ADAM22: variants seen among roughly 807,000 people sequenced by gnomAD.
The protein encoded by ADAM22 is disintegrin and metalloproteinase domain-containing protein 22.
In ADAM22, 65 loss-of-function variants were observed where a neutral mutation model predicts 144.6. That is an observed-to-expected ratio of 0.45 (90% CI 0.37 to 0.55). The LOEUF (loss-of-function observed/expected upper bound fraction) is 0.55, where lower values mean the gene tolerates loss of function less well. Among genes scored for constraint, ADAM22 ranks in the 20% least tolerant of loss-of-function variants. The pLI, the probability that ADAM22 is intolerant of heterozygous loss-of-function variation, is 0.00. For missense variants in ADAM22, 974 were observed against 1,184.9 expected (o/e 0.82, Z 2.61); for synonymous variants, 391 against 412.6 (o/e 0.95, Z 0.63).
chr7:88,012,292 T>C (rs1795621670), intron 3 of ADAM22, among the ~76,000 whole-genome samples: 1 of 152,190 alleles, frequency 6.6e-6, no homozygotes, highest in African/African-American at 2.4e-5. Context: ...AACCTAGTAA[T>C]CATAAATTCC....
At chr7:88,052,117 G>A (rs527418974) in intron 3 of ADAM22, among the ~76,000 whole-genome samples, 5 of 152,102 alleles carry the variant, frequency 3.3e-5, no homozygotes, top group African/African-American at 1.2e-4. Flanking sequence ...CACTTGGGGT[G>A]TCCCTGCTAT....
chr7:87,934,660 A>ATT (rs57360340), intron 1 of ADAM22, 110 bp downstream of exon 1: 251 of 704,570 alleles, frequency 3.6e-4, no homozygotes, highest in South Asian at 1.5e-3. Flanking sequence ...GCGCGGGGAG[A>ATT]TTTTTTTTTT....
At chr7:88,148,852 A>G (rs767476915) in intron 17 of ADAM22, 125 bp from the exon 18 acceptor site, 15 of 671,988 alleles carry the variant, frequency 2.2e-5, no homozygotes, top group Non-Finnish European at 3.5e-5. Flanking sequence ...GTTTTGACAG[A>G]TTACCATCTT....
At chr7:88,049,925 G>T (rs1313922473) in intron 3 of ADAM22, among the ~76,000 whole-genome samples, 1 of 151,922 alleles carries the variant, frequency 6.6e-6, no homozygotes, top group Non-Finnish European at 1.5e-5. Flanking sequence ...GCTCTCAGAA[G>T]AATTAGTAAT....
chr7:88,179,543 G>A (rs1414440645), intron 27 of ADAM22, among the ~76,000 whole-genome samples: 1 of 151,952 alleles, frequency 6.6e-6, no homozygotes, highest in Admixed American at 6.6e-5. Context: ...ATATATTTGA[G>A]TATTGTGATT....
rs1586703063 is a variant in ADAM22, at chr7:88,201,271, G to A, written c.*4780G>A. 1 of 152,206 alleles carries A rather than the reference G, an allele frequency of 6.6e-6. No homozygotes were observed. Among genetic ancestry groups the A allele is most frequent in the Non-Finnish European group, 1.5e-5 (1 of 68,048 alleles). 9.4% of individuals were successfully genotyped at this position (152,206 alleles called of 1,614,324 possible). ...GATGCTCTAGGGAGTAGAGGTGGCA[G>A]GCATCTTTATCTTCACCCACTGGCA... On this transcript the variant is annotated 3_prime_UTR_variant, in exon 32 of 32. Transcript: ENST00000413139.
In ADAM22 at chr7:88,128,083, G is replaced by A. The variant is rs534022078; in HGVS notation, c.679-519G>A. 2.9e-3 allele frequency among the ~76,000 whole-genome samples: 435 copies of A among 152,028 alleles called. 2 individuals carry two copies. The highest frequency in any genetic ancestry group is 4.3e-3 in the Non-Finnish European group (289 of 67,928). On this transcript the variant is annotated intron_variant, in intron 8 of 31. Transcript: ENST00000413139. The stretch of plus-strand genomic sequence containing the variant: ...GATGAAGGCACATGACTCACTCCCA[G>A]TTTGGAGATTAAATAATAAAAGTGC...
chr7:87,941,001 C>T (rs1012802301), intron 2 of ADAM22, among the ~76,000 whole-genome samples: 1 of 152,158 alleles, frequency 6.6e-6, no homozygotes, highest in East Asian at 1.9e-4. Context: ...GTCAACTAAG[C>T]GTCACAGATT....
chr7:88,034,127 T>C (rs960533674), intron 3 of ADAM22, among the ~76,000 whole-genome samples: 3 of 152,122 alleles, frequency 2.0e-5, no homozygotes, highest in African/African-American at 7.2e-5. Flanking sequence ...TCCCTCCTTG[T>C]GGCCACCATA....
At chr7:88,124,453 TA>T (rs909310325) in intron 7 of ADAM22, among the ~76,000 whole-genome samples, 5 of 151,892 alleles carry the variant, frequency 3.3e-5, no homozygotes, top group Non-Finnish European at 7.4e-5. Context: ...TTAATGTTTG[TA>T]AGGTGTATCT....
chr7:88,061,835 CTCTCTT>C (rs1273553827), intron 3 of ADAM22, among the ~76,000 whole-genome samples: 2 of 142,680 alleles, frequency 1.4e-5, no homozygotes, highest in African/African-American at 5.3e-5. Context: ...TTCTCTCTCT[CTCTCTT>C]TTTTTTTTTT....
intron 3 of ADAM22, among the ~76,000 whole-genome samples, chr7:88,032,842 C>G (rs1585136946): frequency 6.6e-6 from 1 of 152,162 alleles, no homozygotes; most frequent in African/African-American, 2.4e-5. Flanking sequence ...AACACCACCC[C>G]CTTTGCTCCC....
chr7:87,980,413 G>T (rs907885572), intron 3 of ADAM22, among the ~76,000 whole-genome samples: 1 of 150,646 alleles, frequency 6.6e-6, no homozygotes, highest in Non-Finnish European at 1.5e-5. Context: ...TTTGTTTTTC[G>T]TGGTTTCAGT....
chr7:87,988,421 G>A (rs1220168884), intron 3 of ADAM22, among the ~76,000 whole-genome samples: 3 of 152,120 alleles, frequency 2.0e-5, no homozygotes, highest in Non-Finnish European at 2.9e-5. Context: ...AACCACATGT[G>A]GGTTTCATTC....
At chr7:88,040,368 G>A (rs1209224394) in intron 3 of ADAM22, among the ~76,000 whole-genome samples, 5 of 151,822 alleles carry the variant, frequency 3.3e-5, no homozygotes, top group Non-Finnish European at 7.4e-5. Context: ...CTGACCTTAG[G>A]TGATCCACCC....
chr7:88,084,587 C>T (rs986929559), intron 4 of ADAM22, among the ~76,000 whole-genome samples: 5 of 152,280 alleles, frequency 3.3e-5, no homozygotes, highest in African/African-American at 4.8e-5. Context: ...CCTCCTGTCT[C>T]GACTTCTGTG....
chr7:87,954,233 A>G (rs1050652042), intron 2 of ADAM22, among the ~76,000 whole-genome samples: 1 of 149,826 alleles, frequency 6.7e-6, no homozygotes, highest in African/African-American at 2.5e-5. Context: ...GTTTCTTCCT[A>G]GTCTCGATGG....
At chr7:88,028,381 A>G (rs1410542250) in intron 3 of ADAM22, among the ~76,000 whole-genome samples, 4 of 152,004 alleles carry the variant, frequency 2.6e-5, no homozygotes, top group Non-Finnish European at 5.9e-5. Flanking sequence ...TGTTTTAAAG[A>G]CTTGTTTTGT....
chr7:88,182,903 A>G (rs916720748), intron 29 of ADAM22, among the ~76,000 whole-genome samples: 1 of 152,180 alleles, frequency 6.6e-6, no homozygotes, highest in Non-Finnish European at 1.5e-5. Flanking sequence ...TATTATTTCC[A>G]GGATCTCTAT....
Sources: allele counts gnomAD v4.1 joint callset (sites outside exome capture counted in the v4.1 genomes callset), GRCh38; gene constraint gnomAD v4.1.1; transcripts MANE v1.5; gene names NCBI Gene and HGNC (gene_info 2026-07-23, HGNC 2026-07-21).